Variants in PTPRG observed in about 807,000 individuals in gnomAD.
The protein encoded by PTPRG is protein tyrosine phosphatase receptor type G.
A neutral mutation model predicts 165.3 loss-of-function variants in PTPRG; 102 were observed. That is an observed-to-expected ratio of 0.62 (90% confidence interval 0.53 to 0.73). The LOEUF (loss-of-function observed/expected upper bound fraction) is 0.73, where lower values mean the gene tolerates loss of function less well. PTPRG is among the 30% of genes least tolerant of loss of function. PTPRG has a pLI of 0.00. For synonymous variants in PTPRG, 675 were observed against 669.5 expected (o/e 1.01, Z -0.13); for missense variants, 1,866 against 1,861.4 (o/e 1.00, Z -0.05).
intron 2 of PTPRG, among the ~76,000 whole-genome samples, chr3:61,792,299 T>A (rs528964463): frequency 4.4e-4 from 67 of 152,118 alleles, no homozygotes; most frequent in African/African-American, 1.5e-3. Flanking sequence ...CTCCTGGGCT[T>A]AAGTGATCCT....
At chr3:61,794,603 C>G (rs2034991928) in intron 2 of PTPRG, among the ~76,000 whole-genome samples, 1 of 152,144 alleles carries the variant, frequency 6.6e-6, no homozygotes, top group South Asian at 2.1e-4. Context: ...TTTGCTTACA[C>G]CAGAGCAGAT....
intron 1 of PTPRG, among the ~76,000 whole-genome samples, chr3:61,682,879 C>A (rs1703499982): frequency 6.6e-6 from 1 of 152,178 alleles, no homozygotes; most frequent in Admixed American, 6.5e-5. Flanking sequence ...GCAAATGCCC[C>A]AGGGTAATAA....
intron 2 of PTPRG, among the ~76,000 whole-genome samples, chr3:61,906,339 C>G (rs2038651715): frequency 6.6e-6 from 1 of 151,724 alleles, no homozygotes; most frequent in Non-Finnish European, 1.5e-5. Context: ...ACCTTTAATC[C>G]CAGCTCCTCG....
chr3:61,813,480 C>T (rs2035653549), intron 2 of PTPRG, among the ~76,000 whole-genome samples: 1 of 143,782 alleles, frequency 7.0e-6, no homozygotes, highest in African/African-American at 2.6e-5. Flanking sequence ...CGTGCCACTG[C>T]ACTCCAGCCT....
chr3:61,701,421 A>G lies in PTPRG; in HGVS notation c.86-47457A>G, dbSNP rs148934198. On this transcript the variant is annotated intron_variant, in intron 1 of 29. Transcript: ENST00000474889. ...ATGAGTTTGAGGAGGCTCGGGTCAC[A>G]TTTTCTTATTTATGTTTCATCTCTA... Among the ~76,000 whole-genome samples the G allele has an allele frequency of 3.6e-3, 542 of 152,204 alleles. 6 individuals are homozygous for G. Among genetic ancestry groups the G allele is most frequent in the African/African-American group, 0.012 (518 of 41,532 alleles).
chr3:61,774,945 C>G (rs899307481), intron 2 of PTPRG, among the ~76,000 whole-genome samples: 1 of 152,218 alleles, frequency 6.6e-6, no homozygotes, highest in African/African-American at 2.4e-5. Context: ...GTATCCACTT[C>G]AAGTTGCACC....
At chr3:61,998,055 C>G (rs756867026) in intron 3 of PTPRG, among the ~76,000 whole-genome samples, 8 of 152,202 alleles carry the variant, frequency 5.3e-5, no homozygotes, top group Admixed American at 2.0e-4. Context: ...CTTTTTAGCA[C>G]ATGCTGCTGT....
At chr3:61,635,874 C>T (rs1290505572) in intron 1 of PTPRG, among the ~76,000 whole-genome samples, 1 of 152,090 alleles carries the variant, frequency 6.6e-6, no homozygotes, top group African/African-American at 2.4e-5. Context: ...GAGATGGTTC[C>T]TTAGAGCTCT....
intron 4 of PTPRG, among the ~76,000 whole-genome samples, chr3:62,058,060 C>T (rs1377351069): frequency 6.6e-6 from 1 of 152,230 alleles, no homozygotes; most frequent in Non-Finnish European, 1.5e-5. Context: ...ATAACCCCTA[C>T]CAGAGACCTC....
intron 12 of PTPRG, among the ~76,000 whole-genome samples, chr3:62,212,411 A>C (rs1169592826): frequency 6.6e-6 from 1 of 152,206 alleles, no homozygotes; most frequent in Non-Finnish European, 1.5e-5. Context: ...AAAAATAAAC[A>C]GAATTGGAGA....
intron 1 of PTPRG, among the ~76,000 whole-genome samples, chr3:61,742,067 C>CA (rs1383122439): frequency 1.3e-5 from 2 of 152,146 alleles, no homozygotes; most frequent in Admixed American, 1.3e-4. Context: ...ATGTGGTATT[C>CA]AGAGGAGCCG....
chr3:62,208,941 C>T (rs1019269364), intron 12 of PTPRG, among the ~76,000 whole-genome samples: 3 of 152,164 alleles, frequency 2.0e-5, no homozygotes, highest in African/African-American at 4.8e-5. Flanking sequence ...GATGAAGGAA[C>T]GTGCCCAGAG....
chr3:61,713,995 A>G (rs1300782195), intron 1 of PTPRG, among the ~76,000 whole-genome samples: 1 of 152,244 alleles, frequency 6.6e-6, no homozygotes, highest in Non-Finnish European at 1.5e-5. Context: ...ATCTGTGCAA[A>G]GTGATATATG....
rs868338930 is a variant in PTPRG, at chr3:62,031,010, C to T, written c.519+27513C>T. On this transcript the variant is annotated intron_variant, in intron 4 of 29. Coordinates refer to ENST00000474889, the MANE Select transcript of PTPRG (RefSeq NM_002841.4). Reference sequence around the variant, plus strand: ...AATTCTGAAATTTCCACTGGCTAAACGGGCAACTCTAATAGAACCTTTATG... The same window carrying T: ...AATTCTGAAATTTCCACTGGCTAAATGGGCAACTCTAATAGAACCTTTATG... Among the ~76,000 whole-genome samples, 4 of 152,118 alleles carry T rather than the reference C, an allele frequency of 2.6e-5. No individual in the cohort carries two copies. In the South Asian group the frequency reaches 6.2e-4, roughly 24 times the overall value.
intron 1 of PTPRG, among the ~76,000 whole-genome samples, chr3:61,569,827 A>C (rs960536307): frequency 6.6e-6 from 1 of 152,326 alleles, no homozygotes; most frequent in African/African-American, 2.4e-5. Context: ...AACAGGTTAC[A>C]TTTTGAGGTT....
intron 26 of PTPRG, 25 bp from the exon 27 acceptor site, chr3:62,281,538 C>CTTTTTTTTTTGTTTTTTTT: frequency 1.6e-6 from 1 of 620,526 alleles, no homozygotes; most frequent in Non-Finnish European, 2.1e-6. Flanking sequence ...ACTGCAGAGG[C>CTTTTTTTTTTGTTTTTTTT]TTTTTTTTTT....
At chr3:61,695,555 C>G (rs949611160) in intron 1 of PTPRG, among the ~76,000 whole-genome samples, 3 of 152,208 alleles carry the variant, frequency 2.0e-5, no homozygotes, top group Non-Finnish European at 4.4e-5. Flanking sequence ...TATCCAGTCC[C>G]TTGCAGGGTC....
Position 61,634,395 on chromosome 3 carries a change from G to A in PTPRG, c.85+72023G>A, listed in dbSNP as rs188624823. On this transcript the variant is annotated intron_variant, in intron 1 of 29. Transcript: ENST00000474889. ...CTGGGATACAGGTGCCTACCACCACGCCCGGCTAATTTTTTTGTATTTTTA... is the reference window on the plus strand; with the variant it reads ...CTGGGATACAGGTGCCTACCACCACACCCGGCTAATTTTTTTGTATTTTTA... Among the ~76,000 whole-genome samples the A allele has an allele frequency of 1.3e-4, 20 of 151,910 alleles. 1 individual carries two copies. The highest frequency in any genetic ancestry group is 1.2e-3 in the East Asian group (6 of 5,134).
chr3:62,246,127 A>C (rs1382571439), intron 15 of PTPRG, among the ~76,000 whole-genome samples: 1 of 152,198 alleles, frequency 6.6e-6, no homozygotes. Flanking sequence ...ATATCAAAAG[A>C]AGACTGCTTC....
Sources: gnomAD v4.1 joint callset for allele counts (sites outside exome capture counted in the v4.1 genomes callset) on GRCh38, gnomAD v4.1.1 for gene constraint, MANE v1.5 for transcripts, NCBI Gene and HGNC (gene_info 2026-07-23, HGNC 2026-07-21) for gene names.